The following CENPP variants were observed in gnomAD, a reference collection of about 807,000 sequenced individuals.
CENPP encodes the protein centromere protein P.
Under a neutral mutation model 35.6 loss-of-function variants are expected in CENPP, and 24 were observed. The ratio of observed to expected loss-of-function variants is 0.67; its 90% CI spans 0.49 to 0.95. The LOEUF is 0.95. Among genes scored for constraint, CENPP ranks in the 40% least tolerant of loss-of-function variants. The probability of loss-of-function intolerance (pLI) is 0.00; values close to 1 mark genes in which losing one functional copy is unlikely to be tolerated. For missense variants in CENPP, 332 were observed against 345.3 expected (o/e 0.96, Z 0.31); for synonymous variants, 120 against 125.5 (o/e 0.96, Z 0.29).
chr9:92,470,666 T>C lies in CENPP; in HGVS notation c.564+90807T>C, dbSNP rs762648168. 5 of 1,407,830 alleles carry C rather than the reference T, an allele frequency of 3.6e-6. No homozygotes were observed. In the South Asian group the frequency reaches 4.9e-5, roughly 14 times the overall value. The allele number at this position is 1,407,830 out of a possible 1,614,324, so 87.2% of individuals were successfully genotyped here. A position where few individuals can be genotyped will look rare whatever the true frequency, so the allele number is the denominator to read the frequency against. On this transcript the variant is annotated intron_variant, in intron 5 of 7. Coordinates refer to ENST00000375587, the MANE Select transcript of CENPP (RefSeq NM_001012267.3). The stretch of plus-strand genomic sequence containing the variant: ...CTTTGAAAGTATGAGGATATATTCT[T>C]ACATAAAGTGAAGTGAGTCCTTTAA...
At chr9:92,480,476 C>A (rs1845875497) in intron 5 of CENPP, among the ~76,000 whole-genome samples, 1 of 152,200 alleles carries the variant, frequency 6.6e-6, no homozygotes, top group African/African-American at 2.4e-5. Flanking sequence ...ATAGTTACTT[C>A]CAGACAGTAA....
chr9:92,533,303 CAAAAAAAAAAAAAAA>C (rs1174584000), intron 5 of CENPP, among the ~76,000 whole-genome samples: 1 of 29,886 alleles, frequency 3.3e-5, no homozygotes, highest in African/African-American at 1.4e-4. Context: ...CGGTCTCAAA[CAAAAAAAAAAAAAAA>C]AAAAAAAAAA....
intron 5 of CENPP, among the ~76,000 whole-genome samples, chr9:92,387,054 A>G (rs1353519802): frequency 2.6e-5 from 3 of 113,610 alleles, no homozygotes; most frequent in South Asian, 7.0e-4. Flanking sequence ...TCTCAAAAAG[A>G]AAAAAAAAAA....
At chr9:92,333,893 A>C (rs1188765716) in intron 2 of CENPP, among the ~76,000 whole-genome samples, 2 of 152,226 alleles carry the variant, frequency 1.3e-5, no homozygotes, top group Admixed American at 1.3e-4. Flanking sequence ...CTAGGTAATC[A>C]AATGATCTTG....
At chr9:92,493,957 G>A (rs1039595297) in intron 5 of CENPP, 60 of 774,442 alleles carry the variant, frequency 7.7e-5, no homozygotes, top group Middle Eastern at 3.0e-4. Context: ...AATCCAGGCC[G>A]TTGAGGGTGG....
At chr9:92,382,320 TCAG>T (rs1460412591) in intron 5 of CENPP, among the ~76,000 whole-genome samples, 1 of 152,142 alleles carries the variant, frequency 6.6e-6, no homozygotes, top group Non-Finnish European at 1.5e-5. Flanking sequence ...AGTGATCAGA[TCAG>T]GGTAATTAGC....
At chr9:92,518,826 T>G (rs1847887448) in intron 5 of CENPP, among the ~76,000 whole-genome samples, 2 of 152,010 alleles carry the variant, frequency 1.3e-5, no homozygotes, top group Admixed American at 1.3e-4. Flanking sequence ...GAGGTGGAGG[T>G]TGCAGTGAGC....
chr9:92,359,458 A>T (rs1333792897), intron 4 of CENPP, among the ~76,000 whole-genome samples: 1 of 151,926 alleles, frequency 6.6e-6, no homozygotes, highest in Non-Finnish European at 1.5e-5. Flanking sequence ...CTGAGGTATA[A>T]ACTTAAGGTC....
chr9:92,371,958 C>T (rs1317954557), intron 4 of CENPP, among the ~76,000 whole-genome samples: 1 of 143,650 alleles, frequency 7.0e-6, no homozygotes, highest in Middle Eastern at 3.6e-3. Flanking sequence ...CTTCACCTCC[C>T]GGGGTCAAGT....
Position 92,476,565 on chromosome 9 carries a change from G to A in CENPP, c.564+96706G>A, listed in dbSNP as rs1209938222. Among the ~76,000 whole-genome samples the A allele has an allele frequency of 6.6e-6, 1 of 152,142 alleles. No individual in the cohort carries two copies. Among genetic ancestry groups the A allele is most frequent in the African/African-American group, 2.4e-5 (1 of 41,428 alleles). On this transcript the variant is annotated intron_variant, in intron 5 of 7. Transcript: ENST00000375587. This position sits in a 1 kb window ranked among gnomAD's most constrained non-coding sequence, Gnocchi z 4.1. ...CTGGTCAGGTATGTGTGATATTCCT[G>A]TGATAATCCACACTAACTTATGCTA...
At chr9:92,423,796 C>A (rs985457341) in intron 5 of CENPP, among the ~76,000 whole-genome samples, 1 of 152,108 alleles carries the variant, frequency 6.6e-6, no homozygotes, top group Admixed American at 6.6e-5. Flanking sequence ...AAATGCCCAT[C>A]AACCCCCCAA....
chr9:92,500,949 C>T (rs1234033612), intron 5 of CENPP: 7 of 1,614,002 alleles, frequency 4.3e-6, no homozygotes, highest in East Asian at 4.5e-5. Context: ...GCCAGGGATC[C>T]GTTCAATCTG....
At chr9:92,474,769 A>G (rs1845652817) in intron 5 of CENPP, 2 of 1,612,906 alleles carry the variant, frequency 1.2e-6, no homozygotes, top group Non-Finnish European at 1.7e-6. Flanking sequence ...CATCATCATC[A>G]TCATCATCAT....
intron 5 of CENPP, among the ~76,000 whole-genome samples, chr9:92,401,827 C>G (rs552031281): frequency 6.6e-6 from 1 of 152,072 alleles, no homozygotes; most frequent in African/African-American, 2.4e-5. Flanking sequence ...TTGGAGAGTA[C>G]GTTTTCTGCC....
chr9:92,474,527 C>CA lies in CENPP; in HGVS notation c.564+94669dup, dbSNP rs1845637166. 2.2e-5 allele frequency: 32 copies of CA among 1,481,912 alleles called. No individual in the cohort carries two copies. The South Asian group carries it at 3.1e-4, about 14-fold the overall frequency. The allele number at this position is 1,481,912 out of a possible 1,614,324, so 91.8% of individuals were successfully genotyped here. On this transcript the variant is annotated intron_variant, in intron 5 of 7. Transcript: ENST00000375587. Reference sequence around the variant, plus strand: ...CTTAAATGAAAAAAACTTATACACTCAGATTATTTTTGAAATTTCAATGAG... The same window carrying CA: ...CTTAAATGAAAAAAACTTATACACTCAAGATTATTTTTGAAATTTCAATGAG...
At chr9:92,341,422 CGT>C (rs1329771772) in intron 3 of CENPP, among the ~76,000 whole-genome samples, 2 of 152,156 alleles carry the variant, frequency 1.3e-5, no homozygotes, top group Non-Finnish European at 2.9e-5. Context: ...TTTTGTGGCT[CGT>C]GGGGCATCAC....
chr9:92,521,613 A>G (rs972033512), intron 5 of CENPP, among the ~76,000 whole-genome samples: 1 of 152,194 alleles, frequency 6.6e-6, no homozygotes, highest in African/African-American at 2.4e-5. Flanking sequence ...ACATGTCTAT[A>G]ATATACTTTT....
Position 92,393,136 on chromosome 9 carries a change from G to A in CENPP, c.564+13277G>A, listed in dbSNP as rs769144262. The A allele has an allele frequency of 2.5e-6, 4 of 1,613,736 alleles. No homozygotes were observed. The Admixed American group carries it at 5.0e-5, about 20-fold the overall frequency. On this transcript the variant is annotated intron_variant, in intron 5 of 7. Transcript: ENST00000375587. ...CAGCTTTTTAATTTTGTTGAATCGTGCGTAAAGATAGGCTGATTCCTTTGG... is the reference window on the plus strand; with the variant it reads ...CAGCTTTTTAATTTTGTTGAATCGTACGTAAAGATAGGCTGATTCCTTTGG...
At chr9:92,498,249 A>G (rs895973848) in intron 5 of CENPP, among the ~76,000 whole-genome samples, 61 of 152,300 alleles carry the variant, frequency 4.0e-4, no homozygotes, top group African/African-American at 1.3e-3. Flanking sequence ...AGGATAAACT[A>G]GAAATTTAAA....
Sources: allele counts gnomAD v4.1 joint callset (sites outside exome capture counted in the v4.1 genomes callset), GRCh38; gene constraint gnomAD v4.1.1; non-coding constraint Gnocchi (gnomAD v3.1); transcripts MANE v1.5; gene names NCBI Gene and HGNC (gene_info 2026-07-23, HGNC 2026-07-21).